Variants in TAPBPL observed in about 807,000 individuals in gnomAD.
TAPBPL encodes tapasin-related protein.
TAPBPL carries 32 observed loss-of-function variants against 44.8 expected under a neutral mutation model. The ratio of observed to expected loss-of-function variants is 0.71; its 90% CI spans 0.54 to 0.96. The LOEUF (loss-of-function observed/expected upper bound fraction) is 0.96. Ranked by LOEUF, TAPBPL falls within the 40% of genes least tolerant of loss-of-function variation. The pLI, the probability that TAPBPL is intolerant of heterozygous loss-of-function variation, is 0.00. For missense variants in TAPBPL, 520 were observed against 586.6 expected (o/e 0.89, Z 1.17); for synonymous variants, 230 against 240.7 (o/e 0.96, Z 0.41).
intron 5 of TAPBPL, among the ~76,000 whole-genome samples, chr12:6,459,896 A>G (rs2532495): frequency 0.67 from 101,021 of 151,604 alleles, 33,973 homozygotes; most frequent in East Asian, 0.78. Context: ...TCAGCCTCCC[A>G]AGTAGCTGGG....
intron 4 of TAPBPL, among the ~76,000 whole-genome samples, chr12:6,458,411 A>G (rs1285047902): frequency 1.3e-5 from 2 of 151,920 alleles, no homozygotes; most frequent in African/African-American, 4.8e-5. Context: ...AATGACAGTA[A>G]GAAGCCAGCC....
In TAPBPL at chr12:6,453,497, A is replaced by G; in HGVS notation, c.346A>G (p.Ser116Gly). 5 of 1,614,162 alleles carry G rather than the reference A, an allele frequency of 3.1e-6. No homozygotes were observed. Among genetic ancestry groups the G allele is most frequent in the Non-Finnish European group, 4.2e-6 (5 of 1,180,024 alleles). The part of the protein sequence containing the change: ...QAEALLHADC[S>G]GKEVTCEISR... ...CGAGGCCTTGCTCCATGCTGACTGC[A>G]GTGGGAAGGAGGTGACCTGTGAGAT... is the stretch of plus-strand genomic sequence containing the variant. Residue 116 changes from serine to glycine, a missense_variant, in exon 3 of 7, where the codon AGT becomes GGT. Ser to Gly is a moderately conservative substitution (Grantham distance 56). Transcript: ENST00000266556. This position sits in a 1 kb window ranked among gnomAD's most constrained non-coding sequence, Gnocchi z 4.8.
intron 6 of TAPBPL, among the ~76,000 whole-genome samples, 187 bp from the exon 7 acceptor site, chr12:6,461,847 T>C (rs1009198099): frequency 6.6e-6 from 1 of 152,120 alleles, no homozygotes; most frequent in African/African-American, 2.4e-5. Context: ...GTGAGGATGA[T>C]GGGGAAAAGG....
At chr12:6,452,823 A>G (rs188528991) in intron 1 of TAPBPL, among the ~76,000 whole-genome samples, 252 of 152,300 alleles carry the variant, frequency 1.7e-3, no homozygotes, top group Middle Eastern at 3.4e-3. Flanking sequence ...GCAAGCATAA[A>G]CTCCTCTGAG....
chr12:6,467,206 T>A (rs1424289672), downstream of TAPBPL: 1 of 160,964 alleles, frequency 6.2e-6, no homozygotes, highest in Non-Finnish European at 1.3e-5. Context: ...TAGAGTGGGG[T>A]GTTGCTGAAA....
downstream of TAPBPL, chr12:6,462,655 G>C: frequency 1.4e-6 from 1 of 714,110 alleles, no homozygotes; most frequent in Non-Finnish European, 2.3e-6. Flanking sequence ...AATGATTCCT[G>C]TGATAGGGCT....
intron 4 of TAPBPL, among the ~76,000 whole-genome samples, chr12:6,458,125 C>T (rs1949749318): frequency 6.6e-6 from 1 of 152,186 alleles, no homozygotes; most frequent in African/African-American, 2.4e-5. Context: ...CGGTGGCTCA[C>T]ACCTATAATC....
downstream of TAPBPL, chr12:6,462,987 G>A (rs1188094678): frequency 2.6e-6 from 4 of 1,551,036 alleles, no homozygotes; most frequent in South Asian, 3.6e-5. Flanking sequence ...TGGACCGAGG[G>A]AAGAAGGAAT....
chr12:6,466,360 A>G (rs774555778), downstream of TAPBPL: 24 of 1,611,288 alleles, frequency 1.5e-5, no homozygotes, highest in Non-Finnish European at 1.8e-5. Context: ...ACCTGTGGAA[A>G]GACATGTGCA....
intron 5 of TAPBPL, 74 bp from the exon 6 acceptor site, chr12:6,460,781 G>A (rs1452228834): frequency 2.1e-6 from 3 of 1,438,512 alleles, no homozygotes; most frequent in Non-Finnish European, 2.9e-6. Flanking sequence ...TCCCTGGGGT[G>A]GACACTGCAG....
At chr12:6,465,884 A>T, downstream of TAPBPL, 1 of 1,614,224 alleles carries the variant, frequency 6.2e-7, no homozygotes, top group South Asian at 1.1e-5. Context: ...GCTTGGCAGC[A>T]CTGCTCTCAA....
In TAPBPL at chr12:6,462,067, G is replaced by A. The variant is rs780541469; in HGVS notation, c.1325G>A (p.Arg442His). The A allele has an allele frequency of 6.2e-6, 10 of 1,613,754 alleles. No individual in the cohort carries two copies. Among genetic ancestry groups the A allele is most frequent in the South Asian group, 3.3e-5 (3 of 91,058 alleles). The change falls in exon 7 of 7, where the codon CGC (arginine) becomes CAC (histidine). Residue 442 changes from arginine (R) to histidine (H), a missense_variant. Physicochemically the swap from Arg to His is conservative, Grantham distance 29 (BLOSUM62 0). Transcript: ENST00000266556. Reference protein sequence around the residue: ...PTGLGLLQAERWETTSCADTQ... With the variant: ...PTGLGLLQAEHWETTSCADTQ... ...GGACTTGGGCTGCTTCAGGCTGAAC[G>A]CTGGGAGACCACTTCCTGTGCTGAC... is the stretch of plus-strand genomic sequence containing the variant.
chr12:6,463,323 C>A (rs1949929032), downstream of TAPBPL: 32 of 1,188,284 alleles, frequency 2.7e-5, no homozygotes, highest in Non-Finnish European at 3.3e-5. This position sits in a 1 kb window ranked among gnomAD's most constrained non-coding sequence, Gnocchi z 4.0. Flanking sequence ...GCACGCCTCC[C>A]CCCAAGGTGG....
At chr12:6,452,549 A>G in intron 1 of TAPBPL, 2 of 1,402,476 alleles carry the variant, frequency 1.4e-6, no homozygotes, top group Middle Eastern at 2.7e-4. Flanking sequence ...GGCTGTGGTC[A>G]GGAGCCACTG....
downstream of TAPBPL, chr12:6,464,371 T>G: frequency 8.4e-6 from 13 of 1,551,970 alleles, no homozygotes; most frequent in Non-Finnish European, 1.1e-5. Flanking sequence ...TGGGCTGGAA[T>G]GGAGGACGGT....
downstream of TAPBPL, chr12:6,470,967 AGTTT>A (rs1565530362): frequency 2.2e-5 from 4 of 182,492 alleles, no homozygotes; most frequent in South Asian, 1.1e-4. Flanking sequence ...GCGCTTCAGC[AGTTT>A]GTTAGGCATT....
Position 6,453,336 on chromosome 12 carries a change from T to C in TAPBPL, c.295+39T>C, listed in dbSNP as rs371473125. On this transcript the variant is annotated intron_variant, in intron 2 of 6. Coordinates refer to ENST00000266556, the MANE Select transcript of TAPBPL (RefSeq NM_018009.5). The surrounding 1 kb of genome is among the most constrained non-coding windows in gnomAD (Gnocchi z 4.8). ...ACCTGTGTCCTTGGTCCTCCCGGGC[T>C]CCCTCCACCAGGACAGCCCAGGTCC... 6.2e-7 allele frequency: 1 copy of C among 1,611,312 alleles called. No homozygotes were observed. The highest frequency in any genetic ancestry group is 8.5e-7 in the Non-Finnish European group (1 of 1,178,608).
At chr12:6,463,810 C>T, downstream of TAPBPL, 1 of 1,203,722 alleles carries the variant, frequency 8.3e-7, no homozygotes, top group Non-Finnish European at 1.1e-6. This position sits in a 1 kb window ranked among gnomAD's most constrained non-coding sequence, Gnocchi z 4.0. Flanking sequence ...TTCACAATCC[C>T]TAAGTGTTCT....
downstream of TAPBPL, chr12:6,470,630 T>C (rs113049745): frequency 3.4e-3 from 5,137 of 1,531,456 alleles, 34 homozygotes; most frequent in South Asian, 0.017. Context: ...ACTGCCAAGC[T>C]CCGCCTCGCG....
Sources: gnomAD v4.1 joint callset for allele counts (sites outside exome capture counted in the v4.1 genomes callset) on GRCh38, gnomAD v4.1.1 for gene constraint, Gnocchi (gnomAD v3.1) non-coding constraint, MANE v1.5 for transcripts, NCBI Gene and HGNC (gene_info 2026-07-23, HGNC 2026-07-21) for gene names.